CRACDL: variants seen among roughly 807,000 people sequenced by gnomAD.
The protein encoded by CRACDL is CRACD-like protein.
A neutral mutation model predicts 70.6 loss-of-function variants in CRACDL; 26 were observed. The observed-to-expected ratio is 0.37, with a 90% confidence interval of 0.27 to 0.51. CRACDL has a LOEUF of 0.51. Ranked by LOEUF, CRACDL falls within the 20% of genes least tolerant of loss-of-function variation. The pLI is 0.94. For synonymous variants in CRACDL, 618 were observed against 615.2 expected (o/e 1.00, Z -0.07); for missense variants, 1,283 against 1,376.9 (o/e 0.93, Z 1.08).
chr2:98,830,509 A>G (rs1306980824), intron 5 of CRACDL, among the ~76,000 whole-genome samples: 1 of 152,164 alleles, frequency 6.6e-6, no homozygotes, highest in Non-Finnish European at 1.5e-5. Context: ...TAATCAACCA[A>G]TTATGCATAA....
chr2:98,807,143 G>A (rs1704339143), intron 7 of CRACDL, among the ~76,000 whole-genome samples: 2 of 152,202 alleles, frequency 1.3e-5, no homozygotes, highest in South Asian at 4.1e-4. Flanking sequence ...GAGTCTTATG[G>A]AACAAAGTGA....
chr2:98,858,855 T>C (rs1331219958), intron 1 of CRACDL, among the ~76,000 whole-genome samples: 1 of 152,162 alleles, frequency 6.6e-6, no homozygotes, highest in Admixed American at 6.5e-5. Context: ...GGGAATATTA[T>C]GTATTACTGT....
At chr2:98,925,570 C>A (rs1708891859) in intron 1 of CRACDL, among the ~76,000 whole-genome samples, 1 of 152,104 alleles carries the variant, frequency 6.6e-6, no homozygotes, top group African/African-American at 2.4e-5. Flanking sequence ...GGCAGAGGGG[C>A]AAAGGCATCA....
chr2:98,916,094 G>A (rs959533046), intron 1 of CRACDL, among the ~76,000 whole-genome samples: 27 of 152,212 alleles, frequency 1.8e-4, no homozygotes, highest in African/African-American at 6.5e-4. Flanking sequence ...AAAAAGGGGA[G>A]ACTTTCCTAA....
intron 1 of CRACDL, among the ~76,000 whole-genome samples, chr2:98,920,942 A>G (rs531355310): frequency 9.2e-5 from 14 of 152,160 alleles, no homozygotes; most frequent in Admixed American, 3.9e-4. Flanking sequence ...CTCCCTGCTC[A>G]CTCCCTGAGC....
intron 2 of CRACDL, among the ~76,000 whole-genome samples, chr2:98,838,968 A>G (rs1705909418): frequency 6.6e-6 from 1 of 152,218 alleles, no homozygotes; most frequent in South Asian, 2.1e-4. Flanking sequence ...CATGAATTCT[A>G]TCATACCCAG....
Position 98,822,940 on chromosome 2 carries a change from C to T in CRACDL, c.1333G>A (p.Val445Met), listed in dbSNP as rs748987482. Residue 445 changes from valine (V) to methionine (M), a missense_variant, in exon 7 of 10, where the codon GTG becomes ATG. This residue lies in a region of CRACDL where 921 missense variants were observed against 881.9 expected (regional missense o/e 1.04). Coordinates refer to ENST00000397899, the MANE Select transcript of CRACDL (RefSeq NM_207362.3). This position sits in a 1 kb window ranked among gnomAD's most constrained non-coding sequence, Gnocchi z 4.9. ...VPKEAEPTPP[V>M]LPDEEKGPPG... Reference sequence around the variant, plus strand: ...GGCCCCTTCTCCTCATCCGGGAGCACGGGCGGCGTCGGCTCCGCTTCCTTC... The same window carrying T: ...GGCCCCTTCTCCTCATCCGGGAGCATGGGCGGCGTCGGCTCCGCTTCCTTC... 5 of 1,459,776 alleles carry T rather than the reference C, an allele frequency of 3.4e-6. No individual in the cohort carries two copies. Among genetic ancestry groups the T allele is most frequent in the Non-Finnish European group, 3.6e-6 (4 of 1,111,562 alleles). The allele number at this position is 1,459,776 out of a possible 1,614,324, so 90.4% of individuals were successfully genotyped here.
In CRACDL at chr2:98,903,520, C is replaced by A. The variant is rs542802546; in HGVS notation, c.-11+32418G>T. On this transcript the variant is annotated intron_variant, in intron 1 of 9. Transcript: ENST00000397899. ...CTCAGTGAGGCATAAGAGCGGACAT[C>A]GTCTTCACCTCACTCCGTTAAATAA... Among the ~76,000 whole-genome samples the A allele has an allele frequency of 3.3e-5, 5 of 152,286 alleles. No individual in the cohort carries two copies. In the South Asian group the frequency reaches 8.3e-4, roughly 25 times the overall value.
intron 1 of CRACDL, among the ~76,000 whole-genome samples, chr2:98,852,774 A>G (rs1469587045): frequency 6.6e-6 from 1 of 152,128 alleles, no homozygotes; most frequent in African/African-American, 2.4e-5. Flanking sequence ...GAAATGATCC[A>G]ATCTGAAGAA....
At chr2:98,848,045 C>T (rs1375207155) in intron 1 of CRACDL, among the ~76,000 whole-genome samples, 1 of 152,324 alleles carries the variant, frequency 6.6e-6, no homozygotes, top group Non-Finnish European at 1.5e-5. Flanking sequence ...CTTGTGTCGG[C>T]TCTGCCAAAA....
chr2:98,883,664 A>G (rs1336859990), intron 1 of CRACDL, among the ~76,000 whole-genome samples: 3 of 152,052 alleles, frequency 2.0e-5, no homozygotes, highest in African/African-American at 7.2e-5. Context: ...GAGATGACAA[A>G]TTTCTACCAT....
Position 98,823,598 on chromosome 2 carries a change from T to TC in CRACDL, c.736-62dup, listed in dbSNP as rs1705190802. On this transcript the variant is annotated intron_variant, in intron 6 of 9. Transcript: ENST00000397899. This position sits in a 1 kb window ranked among gnomAD's most constrained non-coding sequence, Gnocchi z 4.0. ...AGCCAATTCCAGGAAGCCTGTCACC[T>TC]CCCCACTTTTTTCAAGGCTTATAAT... 1.3e-6 allele frequency: 2 copies of TC among 1,532,250 alleles called. No individual in the cohort carries two copies. Among genetic ancestry groups the TC allele is most frequent in the East Asian group, 4.9e-5 (2 of 40,896 alleles). The allele number at this position is 1,532,250 out of a possible 1,614,324, so 94.9% of individuals were successfully genotyped here.
chr2:98,889,564 T>C (rs1200125739), intron 1 of CRACDL, among the ~76,000 whole-genome samples: 1 of 152,100 alleles, frequency 6.6e-6, no homozygotes, highest in African/African-American at 2.4e-5. Flanking sequence ...GCAGTAATAG[T>C]TGGAATCTTC....
At chr2:98,825,234 T>A (rs72811003) in intron 6 of CRACDL, among the ~76,000 whole-genome samples, 3,117 of 152,178 alleles carry the variant, frequency 0.02, 61 homozygotes, top group East Asian at 0.092. Flanking sequence ...TATGGACACC[T>A]CTGAGAACTT....
At chr2:98,801,161 T>A (rs759925877) in intron 7 of CRACDL, among the ~76,000 whole-genome samples, 1 of 152,260 alleles carries the variant, frequency 6.6e-6, no homozygotes, top group Non-Finnish European at 1.5e-5. Context: ...TTCTCTTCTT[T>A]CTCACCTTTT....
At chr2:98,855,660 T>A (rs1453799550) in intron 1 of CRACDL, among the ~76,000 whole-genome samples, 1 of 152,202 alleles carries the variant, frequency 6.6e-6, no homozygotes, top group Non-Finnish European at 1.5e-5. Flanking sequence ...GCACAGGTGT[T>A]GAACTCCTCA....
intron 1 of CRACDL, among the ~76,000 whole-genome samples, chr2:98,905,692 G>A (rs1708394117): frequency 6.7e-6 from 1 of 148,500 alleles, no homozygotes; most frequent in Non-Finnish European, 1.5e-5. Context: ...GCAGTGGCAC[G>A]ATCTCTGCTC....
At chr2:98,805,331 G>A (rs912021188) in intron 7 of CRACDL, among the ~76,000 whole-genome samples, 1 of 152,132 alleles carries the variant, frequency 6.6e-6, no homozygotes, top group Non-Finnish European at 1.5e-5. Context: ...CTAGGTGCTT[G>A]AGAGTGACCA....
At chr2:98,907,512 G>T (rs192612980) in intron 1 of CRACDL, among the ~76,000 whole-genome samples, 46 of 152,266 alleles carry the variant, frequency 3.0e-4, no homozygotes, top group African/African-American at 1.1e-3. Flanking sequence ...TCCCTTCTCT[G>T]CTCAGAACCC....
Sources: gnomAD v4.1 joint callset for allele counts (sites outside exome capture counted in the v4.1 genomes callset) on GRCh38, gnomAD v4.1.1 for gene constraint, gnomAD v4.1.1 regional missense constraint, Gnocchi (gnomAD v3.1) non-coding constraint, MANE v1.5 for transcripts, NCBI Gene and HGNC (gene_info 2026-07-23, HGNC 2026-07-21) for gene names.